The following CDH13 variants were observed in gnomAD, a reference collection of about 807,000 sequenced individuals.
The protein encoded by CDH13 is cadherin-13.
A neutral mutation model predicts 63.8 loss-of-function variants in CDH13; 24 were observed. The ratio of observed to expected loss-of-function variants is 0.38; its 90% CI spans 0.27 to 0.53. The LOEUF (loss-of-function observed/expected upper bound fraction) is 0.53. Ranked by LOEUF, CDH13 falls within the 20% of genes least tolerant of loss-of-function variation. The pLI is 0.85. For missense variants in CDH13, 1,049 were observed against 903.1 expected (o/e 1.16, Z -2.07); for synonymous variants, 503 against 355.3 (o/e 1.42, Z -4.67).
At chr16:82,861,891 C>G (rs1319968174) in intron 2 of CDH13, among the ~76,000 whole-genome samples, 3 of 152,196 alleles carry the variant, frequency 2.0e-5, no homozygotes, top group Non-Finnish European at 2.9e-5. Flanking sequence ...ATGCAAAGCT[C>G]CCAACTCAGG....
chr16:83,398,914 A>T (rs928344465), intron 6 of CDH13, among the ~76,000 whole-genome samples: 1 of 152,230 alleles, frequency 6.6e-6, no homozygotes, highest in Non-Finnish European at 1.5e-5. Context: ...CAGAGATAGG[A>T]CAAAAAATGT....
At chr16:83,428,142 A>T (rs944819196) in intron 6 of CDH13, among the ~76,000 whole-genome samples, 1 of 152,188 alleles carries the variant, frequency 6.6e-6, no homozygotes, top group Non-Finnish European at 1.5e-5. Context: ...ATAGGGGGAA[A>T]TGGCACCTTT....
intron 3 of CDH13, among the ~76,000 whole-genome samples, chr16:83,077,217 G>A (rs113484108): frequency 2.5e-5 from 2 of 79,804 alleles, no homozygotes; most frequent in African/African-American, 5.6e-5. Flanking sequence ...TTTTGAGACA[G>A]AGTCTCACTC....
At position 82,669,059 on chromosome 16, in the gene CDH13, A is replaced by G. The variant is rs1027894486; in HGVS notation, c.45+41922A>G. The stretch of plus-strand genomic sequence containing the variant: ...GAGGGAGTAAATTAGCGGGATCCAC[A>G]AGCCACGGATGAGCCTTGAACCAGA... On this transcript the variant is annotated intron_variant, in intron 1 of 13. Transcript: ENST00000567109. 3.9e-5 allele frequency among the ~76,000 whole-genome samples: 6 copies of G among 152,204 alleles called. No individual in the cohort carries two copies. In the East Asian group the frequency reaches 5.8e-4, roughly 15 times the overall value.
intron 2 of CDH13, among the ~76,000 whole-genome samples, chr16:82,996,861 G>C (rs527656909): frequency 6.6e-6 from 1 of 151,172 alleles, no homozygotes; most frequent in African/African-American, 2.4e-5. Flanking sequence ...GATTACGGTG[G>C]TGGTGATGAT....
chr16:82,976,580 C>G (rs942199269), intron 2 of CDH13, among the ~76,000 whole-genome samples: 4 of 152,080 alleles, frequency 2.6e-5, no homozygotes, highest in Non-Finnish European at 5.9e-5. Flanking sequence ...CTCAAGACAG[C>G]CCCAGATACC....
intron 1 of CDH13, among the ~76,000 whole-genome samples, chr16:82,815,165 G>A (rs1199072175): frequency 2.0e-5 from 3 of 152,126 alleles, no homozygotes; most frequent in Non-Finnish European, 1.5e-5. Flanking sequence ...GTACTGCATG[G>A]TTAGCAGACA....
chr16:83,610,661 C>A (rs1348952281), intron 8 of CDH13, among the ~76,000 whole-genome samples: 4 of 152,196 alleles, frequency 2.6e-5, no homozygotes, highest in African/African-American at 9.7e-5. Flanking sequence ...TAGCCGTAAT[C>A]TATTCATGTT....
At chr16:83,390,479 A>G (rs2091765514) in intron 6 of CDH13, among the ~76,000 whole-genome samples, 1 of 151,944 alleles carries the variant, frequency 6.6e-6, no homozygotes, top group Non-Finnish European at 1.5e-5. Context: ...CCATGAGAAC[A>G]ACCACAGGGA....
chr16:83,255,235 A>G (rs978512542), intron 5 of CDH13, among the ~76,000 whole-genome samples: 5 of 152,200 alleles, frequency 3.3e-5, no homozygotes, highest in African/African-American at 1.2e-4. Context: ...TCCAGCATGG[A>G]CTATGTGGCC....
intron 6 of CDH13, among the ~76,000 whole-genome samples, chr16:83,423,742 A>T (rs182418148): frequency 6.6e-6 from 1 of 152,198 alleles, no homozygotes; most frequent in Admixed American, 6.5e-5. Flanking sequence ...GGATCAAAAC[A>T]TGTGTTTCTG....
intron 1 of CDH13, among the ~76,000 whole-genome samples, chr16:82,846,935 C>T (rs1044700806): frequency 4.6e-5 from 7 of 152,098 alleles, no homozygotes; most frequent in Admixed American, 3.9e-4. Context: ...AGAGACAATG[C>T]TTATTTATGC....
intron 4 of CDH13, among the ~76,000 whole-genome samples, chr16:83,132,512 A>G (rs2036102146): frequency 8.0e-6 from 1 of 125,172 alleles, no homozygotes; most frequent in South Asian, 2.7e-4. Context: ...CATTGGTGCA[A>G]TCTCTGCTCA....
At chr16:82,914,890 A>G (rs983580219) in intron 2 of CDH13, among the ~76,000 whole-genome samples, 45 of 152,200 alleles carry the variant, frequency 3.0e-4, no homozygotes, top group Admixed American at 2.9e-3. Flanking sequence ...GTGACACCAA[A>G]CGGTGTCACC....
At chr16:83,780,271 G>T (rs1046255037) in intron 12 of CDH13, 70 bp downstream of exon 12, 3 of 1,012,506 alleles carry the variant, frequency 3.0e-6, no homozygotes, top group African/African-American at 1.6e-5. Flanking sequence ...CCAAAATGCT[G>T]TTTCTCTACT....
intron 2 of CDH13, among the ~76,000 whole-genome samples, chr16:82,994,903 T>G (rs1912035628): frequency 6.6e-6 from 1 of 152,226 alleles, no homozygotes; most frequent in South Asian, 2.1e-4. Flanking sequence ...GGCCACATAC[T>G]AGCTACATGA....
At chr16:83,740,197 G>T (rs1911930222) in intron 10 of CDH13, among the ~76,000 whole-genome samples, 1 of 152,084 alleles carries the variant, frequency 6.6e-6, no homozygotes, top group African/African-American at 2.4e-5. Flanking sequence ...AGTCAGGCAG[G>T]TCCAGATGGA....
At chr16:83,184,670 G>C (rs151068507) in intron 4 of CDH13, among the ~76,000 whole-genome samples, 2 of 152,128 alleles carry the variant, frequency 1.3e-5, no homozygotes, top group Non-Finnish European at 2.9e-5. Context: ...CAGGAGAATC[G>C]TCTGAACCCA....
chr16:83,061,676 C>T (rs950383973), intron 3 of CDH13, among the ~76,000 whole-genome samples: 1 of 152,106 alleles, frequency 6.6e-6, no homozygotes, highest in Non-Finnish European at 1.5e-5. Context: ...TTAAGTGAAA[C>T]CAGACGCCTC....
Sources: allele counts gnomAD v4.1 joint callset (sites outside exome capture counted in the v4.1 genomes callset), GRCh38; gene constraint gnomAD v4.1.1; transcripts MANE v1.5; gene names NCBI Gene and HGNC (gene_info 2026-07-23, HGNC 2026-07-21).